The following ATXN7L1 variants were observed in gnomAD, a reference collection of about 807,000 sequenced individuals.
The protein encoded by ATXN7L1 is ataxin-7-like protein 1.
ATXN7L1 carries 15 observed loss-of-function variants against 70.8 expected under a neutral mutation model. The ratio of observed to expected loss-of-function variants is 0.21; its 90% CI spans 0.14 to 0.33. The LOEUF (loss-of-function observed/expected upper bound fraction) is 0.33, where lower values mean the gene tolerates loss of function less well. Ranked by LOEUF, ATXN7L1 falls within the 10% of genes least tolerant of loss-of-function variation. The pLI is 1.00. For missense variants in ATXN7L1, 975 were observed against 1,097.1 expected, an observed-to-expected ratio of 0.89 and a Z score of 1.57; for synonymous variants, 440 against 445.1, an observed-to-expected ratio of 0.99 and a Z score of 0.14.
intron 6 of ATXN7L1, 118 bp downstream of exon 6, chr7:105,639,369 G>GAACAGCTGGGGGTCATGTCC: frequency 1.5e-6 from 1 of 670,364 alleles, no homozygotes; most frequent in African/African-American, 1.9e-5. Context: ...CCCTTACAAA[G>GAACAGCTGGGGGTCATGTCC]AACAGCTGGG....
intron 3 of ATXN7L1, among the ~76,000 whole-genome samples, chr7:105,733,354 T>C (rs1584868915): frequency 6.6e-6 from 1 of 152,254 alleles, no homozygotes; most frequent in Non-Finnish European, 1.5e-5. Flanking sequence ...ACATACAAAG[T>C]ATATGCATAG....
In ATXN7L1 at chr7:105,605,012, C is replaced by G. The variant is rs1196056819; in HGVS notation, c.*2840G>C. On this transcript the variant is annotated 3_prime_UTR_variant, in exon 12 of 12. Coordinates refer to ENST00000419735, the MANE Select transcript of ATXN7L1 (RefSeq NM_020725.2). ...ATTATTTACAATTGGTACATTGATA[C>G]AAAAGAAGGCATACAAGTTATCCAA... is the stretch of plus-strand genomic sequence containing the variant. 7.7e-6 allele frequency: 1 copy of G among 130,198 alleles called. No individual in the cohort carries two copies. Among genetic ancestry groups the G allele is most frequent in the Non-Finnish European group, 1.6e-5 (1 of 62,896 alleles). 8.1% of individuals were successfully genotyped at this position (130,198 alleles called of 1,614,324 possible).
At chr7:105,812,684 G>A (rs1250623124) in intron 2 of ATXN7L1, among the ~76,000 whole-genome samples, 1 of 152,154 alleles carries the variant, frequency 6.6e-6, no homozygotes, top group Non-Finnish European at 1.5e-5. Flanking sequence ...CATTGTTCTA[G>A]GTGTCAGGAA....
rs75372369 is a variant in ATXN7L1 at position 105,733,368 on chromosome 7, A to G, written c.355+55236T>C. ...TACATACAAAGTATATGCATAGACA[A>G]GCAGATTATTCATTCAACAAATATT... On this transcript the variant is annotated intron_variant, in intron 3 of 11. Transcript: ENST00000419735. 3.3e-5 allele frequency among the ~76,000 whole-genome samples: 5 copies of G among 152,376 alleles called. No individual in the cohort carries two copies. The East Asian group carries it at 9.6e-4, about 29-fold the overall frequency.
intron 2 of ATXN7L1, among the ~76,000 whole-genome samples, chr7:105,845,925 A>T (rs987310490): frequency 2.0e-5 from 3 of 152,188 alleles, no homozygotes; most frequent in Non-Finnish European, 4.4e-5. Flanking sequence ...CTAATGTAGG[A>T]GCTAAAACTA....
intron 2 of ATXN7L1, among the ~76,000 whole-genome samples, chr7:105,835,603 G>A (rs1483690414): frequency 6.6e-6 from 1 of 152,144 alleles, no homozygotes; most frequent in Non-Finnish European, 1.5e-5. Context: ...GAGCTCAGCG[G>A]AGACGGACTC....
intron 7 of ATXN7L1, among the ~76,000 whole-genome samples, chr7:105,635,303 T>C (rs1797192494): frequency 6.6e-6 from 1 of 152,188 alleles, no homozygotes; most frequent in Non-Finnish European, 1.5e-5. Flanking sequence ...CCTTTAGAGT[T>C]GGAGGCGAAT....
rs532707590 is a variant in ATXN7L1 at position 105,837,037 on chromosome 7, G to A, written c.250+38775C>T. On this transcript the variant is annotated intron_variant, in intron 2 of 11. Transcript: ENST00000419735. Reference sequence around the variant, plus strand: ...TCGGCTTCTGGGGAGGCCTCAGGGAGCTTTTACTCATGGTGGAAGACGAAG... The same window carrying A: ...TCGGCTTCTGGGGAGGCCTCAGGGAACTTTTACTCATGGTGGAAGACGAAG... 1.0e-3 allele frequency among the ~76,000 whole-genome samples: 155 copies of A among 152,332 alleles called. 1 individual carries two copies. The highest frequency in any genetic ancestry group is 1.8e-3 in the Non-Finnish European group (122 of 68,028).
chr7:105,796,775 T>C (rs954331475), intron 2 of ATXN7L1, among the ~76,000 whole-genome samples: 1 of 152,192 alleles, frequency 6.6e-6, no homozygotes, highest in Non-Finnish European at 1.5e-5. Flanking sequence ...TAACGGTGCA[T>C]GGAAAGCTTA....
At chr7:105,745,280 A>G (rs867576933) in intron 3 of ATXN7L1, among the ~76,000 whole-genome samples, 1 of 152,188 alleles carries the variant, frequency 6.6e-6, no homozygotes, top group African/African-American at 2.4e-5. Context: ...ACACATATAT[A>G]TAGGGGAGGG....
intron 8 of ATXN7L1, 28 bp downstream of exon 8, chr7:105,624,047 G>T: frequency 1.5e-6 from 2 of 1,375,876 alleles, no homozygotes; most frequent in African/African-American, 1.5e-5. Context: ...GGCGAAGAAC[G>T]CATGGCAAGG....
intron 10 of ATXN7L1, chr7:105,613,463 G>T: frequency 9.2e-7 from 1 of 1,082,562 alleles, no homozygotes; most frequent in Non-Finnish European, 1.1e-6. Context: ...CAACAGATCA[G>T]ATCAAACCTC....
chr7:105,605,475 T>TGGA lies in ATXN7L1; in HGVS notation c.*2376_*2377insTCC, dbSNP rs576263636. ...CAAAGTAAGCAGCATTCGATGAGGG[T>TGGA]GGGGGGGGGGGTGGGGGCTCTTTAT... On this transcript the variant is annotated 3_prime_UTR_variant, in exon 12 of 12. Coordinates refer to ENST00000419735, the MANE Select transcript of ATXN7L1 (RefSeq NM_020725.2). The TGGA allele has an allele frequency of 1.6e-5, 1 of 64,438 alleles. No homozygotes were observed. The highest frequency in any genetic ancestry group is 3.4e-5 in the Non-Finnish European group (1 of 29,488). The allele number at this position is 64,438 out of a possible 1,614,324, so 4.0% of individuals were successfully genotyped here.
At chr7:105,652,159 A>C (rs1182385201) in intron 4 of ATXN7L1, among the ~76,000 whole-genome samples, 2 of 152,194 alleles carry the variant, frequency 1.3e-5, no homozygotes, top group Non-Finnish European at 2.9e-5. Flanking sequence ...CTCATGCAGT[A>C]GGGCATAGGA....
At chr7:105,820,008 G>A in intron 2 of ATXN7L1, 1 of 451,102 alleles carries the variant, frequency 2.2e-6, no homozygotes, top group Non-Finnish European at 4.4e-6. Context: ...AGAAGAAACA[G>A]CTCATGAGGC....
intron 3 of ATXN7L1, among the ~76,000 whole-genome samples, chr7:105,753,160 G>T (rs73413239): frequency 1.3e-4 from 20 of 152,200 alleles, no homozygotes; most frequent in African/African-American, 3.6e-4. Flanking sequence ...TCTCAAGGAC[G>T]GCTGAAGGAG....
intron 2 of ATXN7L1, among the ~76,000 whole-genome samples, chr7:105,866,082 G>A (rs1817420714): frequency 6.6e-6 from 1 of 152,108 alleles, no homozygotes; most frequent in East Asian, 1.9e-4. Flanking sequence ...TCATCGGACT[G>A]GGTGTCCTGT....
intron 3 of ATXN7L1, among the ~76,000 whole-genome samples, chr7:105,727,812 G>C (rs1160454762): frequency 1.1e-5 from 1 of 90,350 alleles, no homozygotes; most frequent in South Asian, 4.1e-4. Context: ...ATGTATATAT[G>C]AATATAAAGG....
Position 105,875,817 on chromosome 7 carries a change from T to G in ATXN7L1, c.245A>C (p.Lys82Thr). 1 of 1,613,068 alleles carries G rather than the reference T, an allele frequency of 6.2e-7. No individual in the cohort carries two copies. The highest frequency in any genetic ancestry group is 8.5e-7 in the Non-Finnish European group (1 of 1,179,166). Residue 82 changes from lysine (K) to threonine (T), a missense_variant, in exon 2 of 12, where the codon AAA becomes ACA. Transcript: ENST00000419735. ...GKSREVMRLN[K>T]EDMHLFGHYP... ...ATGCCAGTAGCTCCACTTACCTTCTTTATTAAGCCTCATAACCTCCCTGCT... is the reference window on the plus strand; with the variant it reads ...ATGCCAGTAGCTCCACTTACCTTCTGTATTAAGCCTCATAACCTCCCTGCT...
Sources: gnomAD v4.1 joint callset for allele counts (sites outside exome capture counted in the v4.1 genomes callset) on GRCh38, gnomAD v4.1.1 for gene constraint, MANE v1.5 for transcripts, NCBI Gene and HGNC (gene_info 2026-07-23, HGNC 2026-07-21) for gene names.